Variants in TWF1 observed in about 807,000 individuals in gnomAD.
TWF1 encodes twinfilin-1.
Under a neutral mutation model 47.9 loss-of-function variants are expected in TWF1, and 14 were observed. That is an observed-to-expected ratio of 0.29 (90% CI 0.19 to 0.46). The LOEUF (loss-of-function observed/expected upper bound fraction) is 0.46. TWF1 is among the 20% of genes least tolerant of loss of function. TWF1 has a pLI of 1.00. For synonymous variants in TWF1, 96 were observed against 139.2 expected (o/e 0.69, Z 2.18); for missense variants, 281 against 409.3 (o/e 0.69, Z 2.70).
rs763018201 is a variant in TWF1, at chr12:43,796,999, G to A, written c.859C>T (p.Leu287=). ...ACCTTTCTAATTACATCCATTTGTA[G>A]TTGTCTTTCTACAATTTCTAGCAGA... The part of the protein sequence containing the change: ...SRLLEIVERQ[L]QMDVIRKIEI... The change falls in exon 8 of 9, where the codon CTA becomes TTA. Residue 287 remains leucine, a synonymous_variant. Coordinates refer to ENST00000395510, the MANE Select transcript of TWF1 (RefSeq NM_002822.5). 2 of 1,610,956 alleles carry A rather than the reference G, an allele frequency of 1.2e-6. No homozygotes were observed. Among genetic ancestry groups the A allele is most frequent in the Middle Eastern group, 4.4e-4 (2 of 4,534 alleles).
chr12:43,806,205 C>T lies in TWF1; in HGVS notation c.25+16G>A, dbSNP rs1942768977. ...CCGGAAGCCCCTTCCCTGCGAGTCGCGCCGGGCGCTGTTACCTTGGATGCC... is the reference window on the plus strand; with the variant it reads ...CCGGAAGCCCCTTCCCTGCGAGTCGTGCCGGGCGCTGTTACCTTGGATGCC... On this transcript the variant is annotated intron_variant, in intron 1 of 8. Coordinates refer to ENST00000395510, the MANE Select transcript of TWF1 (RefSeq NM_002822.5). 3 of 1,539,790 alleles carry T rather than the reference C, an allele frequency of 1.9e-6. No homozygotes were observed. In the South Asian group the frequency reaches 3.6e-5, roughly 18 times the overall value.
chr12:43,806,064 A>C (rs1247864291), intron 1 of TWF1, 157 bp downstream of exon 1: 6 of 1,513,302 alleles, frequency 4.0e-6, no homozygotes, highest in South Asian at 3.6e-5. Flanking sequence ...GCGCCCGGGA[A>C]GCAGGAGCGC....
rs530579560 is a variant in TWF1, at chr12:43,794,484, C to G, written c.*1101G>C. On this transcript the variant is annotated 3_prime_UTR_variant, in exon 9 of 9. Coordinates refer to ENST00000395510, the MANE Select transcript of TWF1 (RefSeq NM_002822.5). Reference sequence around the variant, plus strand: ...CAAGAAATTACAAATCCTGGATCCCCACAGTTCATTTAGAAAATGCCTCAA... The same window carrying G: ...CAAGAAATTACAAATCCTGGATCCCGACAGTTCATTTAGAAAATGCCTCAA... The G allele has an allele frequency of 6.7e-6, 1 of 150,042 alleles. No individual in the cohort carries two copies. Among genetic ancestry groups the G allele is most frequent in the East Asian group, 1.9e-4 (1 of 5,164 alleles). 9.3% of individuals were successfully genotyped at this position (150,042 alleles called of 1,614,324 possible).
chr12:43,805,975 C>T (rs754409009), intron 1 of TWF1: 2 of 1,544,044 alleles, frequency 1.3e-6, no homozygotes, highest in South Asian at 2.3e-5. Flanking sequence ...AAGCCAATTT[C>T]CTTCGCTCCC....
Position 43,802,599 on chromosome 12 carries a change from TGTG to T in TWF1, c.104-138_104-136del, listed in dbSNP as rs759210379. 363 of 667,404 alleles carry T rather than the reference TGTG, an allele frequency of 5.4e-4. 1 individual carries two copies. Among genetic ancestry groups the T allele is most frequent in the Middle Eastern group, 2.1e-3 (7 of 3,386 alleles). The allele number at this position is 667,404 out of a possible 1,614,324, so 41.3% of individuals were successfully genotyped here. A position where few individuals can be genotyped will look rare whatever the true frequency, so the allele number is the denominator to read the frequency against. The stretch of plus-strand genomic sequence containing the variant: ...CACATCAAAAAGTTGAAAAGAAAAA[TGTG>T]GTAACATAGAAAGTAATTATGACAT... On this transcript the variant is annotated intron_variant, in intron 2 of 8. Transcript: ENST00000395510.
chr12:43,797,832 A>G lies in TWF1; in HGVS notation c.485T>C (p.Val162Ala), dbSNP rs989262380. Residue 162 changes from valine to alanine, a missense_variant and splice_region_variant, in exon 6 of 9, where the codon GTA (valine) becomes GCA (alanine). Coordinates refer to ENST00000395510, the MANE Select transcript of TWF1 (RefSeq NM_002822.5). ...EELRQIKINE[V>A]QTDVGVDTKH... ...AGTGTCCACACCCACGTCAGTCTGT[A>G]CCTAAGTATGACAGATTTAATTTAC... is the stretch of plus-strand genomic sequence containing the variant. 3.1e-6 allele frequency: 5 copies of G among 1,611,346 alleles called. No homozygotes were observed. In the Admixed American group the frequency reaches 8.4e-5, roughly 27 times the overall value.
At chr12:43,795,796 A>ATACAAGCAACAAGCTGGTTTTCAGG in intron 8 of TWF1, 41 bp from the exon 9 acceptor site, 2 of 1,598,836 alleles carry the variant, frequency 1.3e-6, no homozygotes, top group Non-Finnish European at 1.7e-6. Flanking sequence ...TCAAAACCTA[A>ATACAAGCAACAAGCTGGTTTTCAGG]TACAAGCAAC....
At chr12:43,805,928 G>C in intron 1 of TWF1, 1 of 1,519,428 alleles carries the variant, frequency 6.6e-7, no homozygotes, top group Non-Finnish European at 8.9e-7. Context: ...TGTCGGGGAC[G>C]GTGGAAGGCA....
In TWF1 at chr12:43,795,719, A is replaced by T; in HGVS notation, c.919T>A (p.Phe307Ile). ...IDNGDELTAD[F>I]LYEEVHPKQH... is the part of the protein sequence containing the mutation. The stretch of plus-strand genomic sequence containing the variant: ...TTGGGATGTACTTCTTCATAAAGGA[A>T]GTCTGCAGTCAACTCATCCCCATTG... Residue 307 changes from phenylalanine to isoleucine, a missense_variant, in exon 9 of 9, where the codon TTC becomes ATC. Transcript: ENST00000395510. 8 of 1,613,948 alleles carry T rather than the reference A, an allele frequency of 5.0e-6. No individual in the cohort carries two copies. Among genetic ancestry groups the T allele is most frequent in the Non-Finnish European group, 6.8e-6 (8 of 1,179,856 alleles).
intron 4 of TWF1, 115 bp from the exon 5 acceptor site, chr12:43,799,617 C>T (rs1019440712): frequency 1.1e-5 from 6 of 543,410 alleles, no homozygotes; most frequent in Non-Finnish European, 1.8e-5. Flanking sequence ...AAATAAATAG[C>T]ATTATGAATT....
Position 43,796,825 on chromosome 12 carries a change from GT to G in TWF1, c.882+150del, listed in dbSNP as rs948788246. 3.9e-6 allele frequency: 3 copies of G among 760,254 alleles called. No individual in the cohort carries two copies. In the African/African-American group the frequency reaches 5.3e-5, roughly 14 times the overall value. The allele number at this position is 760,254 out of a possible 1,614,324, so 47.1% of individuals were successfully genotyped here. ...ATAGAGATGGGGATCATGACAGGTA[GT>G]TCCCAGGCACTTAGAGGAGATCCTA... On this transcript the variant is annotated intron_variant, in intron 8 of 8. Coordinates refer to ENST00000395510, the MANE Select transcript of TWF1 (RefSeq NM_002822.5).
At chr12:43,805,187 T>G (rs2138154703) in intron 1 of TWF1, among the ~76,000 whole-genome samples, 1 of 152,332 alleles carries the variant, frequency 6.6e-6, no homozygotes, top group South Asian at 2.1e-4. Flanking sequence ...CTAATTTCGT[T>G]CCTGTGTTGT....
Position 43,794,722 on chromosome 12 carries a change from T to G in TWF1, c.*863A>C, listed in dbSNP as rs947736210. On this transcript the variant is annotated 3_prime_UTR_variant, in exon 9 of 9. Coordinates refer to ENST00000395510, the MANE Select transcript of TWF1 (RefSeq NM_002822.5). ...CGTTAGCCTGTTAAGTACCAGGACT[T>G]TAAAGTAATTTTAAATCTGAGTATT... The G allele has an allele frequency of 5.9e-5, 9 of 152,232 alleles. No individual in the cohort carries two copies. Among genetic ancestry groups the G allele is most frequent in the Admixed American group, 6.6e-5 (1 of 15,246 alleles). The allele number at this position is 152,232 out of a possible 1,614,324, so 9.4% of individuals were successfully genotyped here. A position where few individuals can be genotyped will look rare whatever the true frequency, so the allele number is the denominator to read the frequency against.
At chr12:43,800,045 G>T (rs557785063) in intron 4 of TWF1, among the ~76,000 whole-genome samples, 1 of 152,080 alleles carries the variant, frequency 6.6e-6, no homozygotes, top group Non-Finnish European at 1.5e-5. Flanking sequence ...TAATGGTGAA[G>T]AAGCAATATA....
At chr12:43,804,129 T>A (rs1005720268) in intron 2 of TWF1, 3 of 344,054 alleles carry the variant, frequency 8.7e-6, no homozygotes, top group African/African-American at 6.5e-5. Context: ...AAAAACAAAC[T>A]TAATTGAATA....
At chr12:43,804,661 G>GA (rs2138153174) in intron 1 of TWF1, 89 bp from the exon 2 acceptor site, 1 of 852,020 alleles carries the variant, frequency 1.2e-6, no homozygotes, top group African/African-American at 1.8e-5. Flanking sequence ...AGAATACAAA[G>GA]AAAAAATCTG....
At chr12:43,800,364 AC>A in intron 4 of TWF1, 70 bp downstream of exon 4, 1 of 1,055,224 alleles carries the variant, frequency 9.5e-7, no homozygotes, top group Non-Finnish European at 1.4e-6. Context: ...CGTATCAATT[AC>A]CCATTACCTA....
intron 5 of TWF1, among the ~76,000 whole-genome samples, chr12:43,798,154 T>G (rs1455344654): frequency 1.3e-5 from 2 of 152,098 alleles, no homozygotes; most frequent in Non-Finnish European, 2.9e-5. Flanking sequence ...AAATTTTACT[T>G]GATAGAATTT....
chr12:43,795,545 CT>C lies in TWF1; in HGVS notation c.*39del, dbSNP rs1463214370. 2 of 1,581,548 alleles carry C rather than the reference CT, an allele frequency of 1.3e-6. No homozygotes were observed. Among genetic ancestry groups the C allele is most frequent in the South Asian group, 1.1e-5 (1 of 87,896 alleles). The stretch of plus-strand genomic sequence containing the variant: ...CAGTTCTCCTGTACTAAAAGCTGGA[CT>C]TTTAAAAAACTAGTATTACAATGTT... On this transcript the variant is annotated 3_prime_UTR_variant, in exon 9 of 9. Coordinates refer to ENST00000395510, the MANE Select transcript of TWF1 (RefSeq NM_002822.5).
Sources: gnomAD v4.1 joint callset for allele counts (sites outside exome capture counted in the v4.1 genomes callset) on GRCh38, gnomAD v4.1.1 for gene constraint, MANE v1.5 for transcripts, NCBI Gene and HGNC (gene_info 2026-07-23, HGNC 2026-07-21) for gene names.